The following PDLIM5 variants were observed in gnomAD, a reference collection of about 807,000 sequenced individuals.
PDLIM5 encodes the protein PDZ and LIM domain protein 5.
In PDLIM5, 34 loss-of-function variants were observed where a neutral mutation model predicts 64.2. The observed-to-expected ratio is 0.53, with a 90% CI of 0.40 to 0.71. PDLIM5 has a LOEUF of 0.71. Among genes scored for constraint, PDLIM5 ranks in the 30% least tolerant of loss-of-function variants. The pLI, the probability that PDLIM5 is intolerant of heterozygous loss-of-function variation, is 0.00. For missense variants in PDLIM5, 683 were observed against 733.6 expected, an observed-to-expected ratio of 0.93 and a Z score of 0.80; for synonymous variants, 253 against 269.1, an observed-to-expected ratio of 0.94 and a Z score of 0.59.
chr4:94,518,388 A>T (rs1729548304), intron 2 of PDLIM5, among the ~76,000 whole-genome samples: 1 of 152,170 alleles, frequency 6.6e-6, no homozygotes, highest in South Asian at 2.1e-4. Context: ...TGCACATTTG[A>T]GTTCCTTGTC....
At chr4:94,654,266 C>T (rs540994840) in intron 9 of PDLIM5, among the ~76,000 whole-genome samples, 194 bp from the exon 10 acceptor site, 1 of 152,264 alleles carries the variant, frequency 6.6e-6, no homozygotes, top group African/African-American at 2.4e-5. Context: ...AAGTGCACGT[C>T]TCCCGTTTTC....
chr4:94,468,532 G>T (rs1333530445), intron 2 of PDLIM5, among the ~76,000 whole-genome samples: 2 of 152,122 alleles, frequency 1.3e-5, no homozygotes, highest in African/African-American at 4.8e-5. Context: ...TCTGTGCTCT[G>T]TCCATGTGCA....
chr4:94,586,251 AACTAT>A (rs1736186268), intron 6 of PDLIM5, among the ~76,000 whole-genome samples, 152 bp from the exon 7 acceptor site: 1 of 152,212 alleles, frequency 6.6e-6, no homozygotes, highest in Non-Finnish European at 1.5e-5. Flanking sequence ...TAGTTGTACT[AACTAT>A]AGTTTATGGC....
At chr4:94,651,115 A>G (rs757202292) in intron 9 of PDLIM5, among the ~76,000 whole-genome samples, 3 of 152,230 alleles carry the variant, frequency 2.0e-5, no homozygotes, top group Non-Finnish European at 2.9e-5. Flanking sequence ...AATTTGTTAA[A>G]TTAGTCTTTG....
chr4:94,588,265 G>C, intron 7 of PDLIM5: 1 of 780,316 alleles, frequency 1.3e-6, no homozygotes, highest in Non-Finnish European at 1.6e-6. Flanking sequence ...ACTAAAATAT[G>C]GGTATAAAAC....
chr4:94,616,975 T>G (rs553050106), intron 7 of PDLIM5, among the ~76,000 whole-genome samples: 1 of 152,326 alleles, frequency 6.6e-6, no homozygotes, highest in Admixed American at 6.5e-5. Flanking sequence ...AAAAGGTGCA[T>G]GGGACCAAGT....
intron 8 of PDLIM5, among the ~76,000 whole-genome samples, chr4:94,631,000 T>G (rs892105427): frequency 6.6e-6 from 1 of 151,980 alleles, no homozygotes; most frequent in African/African-American, 2.4e-5. Flanking sequence ...CTTGAGCTCC[T>G]GGACTCAAGT....
At chr4:94,565,669 A>G (rs1734257733) in intron 3 of PDLIM5, among the ~76,000 whole-genome samples, 1 of 152,194 alleles carries the variant, frequency 6.6e-6, no homozygotes, top group East Asian at 1.9e-4. Flanking sequence ...CTCCAACCCC[A>G]TCCTGCTGAA....
chr4:94,658,095 C>A (rs1283003618), intron 11 of PDLIM5, among the ~76,000 whole-genome samples: 1 of 152,138 alleles, frequency 6.6e-6, no homozygotes, highest in African/African-American at 2.4e-5. Flanking sequence ...AAATATTTTG[C>A]TTGAATTCCC....
chr4:94,567,138 G>T (rs540976055), intron 3 of PDLIM5, among the ~76,000 whole-genome samples: 30 of 152,080 alleles, frequency 2.0e-4, no homozygotes, highest in Non-Finnish European at 4.0e-4. Context: ...GACTACAGGC[G>T]CCCGCCACCA....
intron 2 of PDLIM5, among the ~76,000 whole-genome samples, chr4:94,476,403 A>G (rs1266222126): frequency 6.6e-6 from 1 of 152,114 alleles, no homozygotes; most frequent in African/African-American, 2.4e-5. Flanking sequence ...GAAAATATAA[A>G]TTTACATTTT....
Position 94,573,544 on chromosome 4 carries a change from A to G in PDLIM5, c.291+151A>G, listed in dbSNP as rs1019109773. ...TAGTTCTTTTCCTTCAGAGATGAGT[A>G]GGGAAATGGAGATCAGCACATACCA... On this transcript the variant is annotated intron_variant, in intron 4 of 12. Transcript: ENST00000317968. The G allele has an allele frequency of 5.2e-6, 4 of 765,154 alleles. No individual in the cohort carries two copies. The East Asian group carries it at 7.4e-5, about 14-fold the overall frequency. The allele number at this position is 765,154 out of a possible 1,614,324, so 47.4% of individuals were successfully genotyped here.
intron 3 of PDLIM5, among the ~76,000 whole-genome samples, chr4:94,536,859 A>G (rs1731363658): frequency 1.3e-5 from 2 of 152,212 alleles, no homozygotes; most frequent in African/African-American, 4.8e-5. Context: ...TTGCTATTAT[A>G]GTCTCAAAGA....
At chr4:94,472,800 C>T (rs1302162849) in intron 2 of PDLIM5, among the ~76,000 whole-genome samples, 3 of 152,174 alleles carry the variant, frequency 2.0e-5, no homozygotes, top group African/African-American at 7.2e-5. Context: ...GAACTTCAGT[C>T]ATATAAATGT....
Position 94,575,595 on chromosome 4 carries a change from GT to G in PDLIM5, c.292-18del. The G allele has an allele frequency of 6.7e-7, 1 of 1,490,246 alleles. No individual in the cohort carries two copies. 92.3% of individuals were successfully genotyped at this position (1,490,246 alleles called of 1,614,324 possible). On this transcript the variant is annotated intron_variant, in intron 4 of 12. Coordinates refer to ENST00000317968, the MANE Select transcript of PDLIM5 (RefSeq NM_006457.5). ...ATGTGTTTGGTGTGGTTTTGTGTAT[GT>G]TTATTTTTGTTTTACATAGGGAGAA... is the stretch of plus-strand genomic sequence containing the variant.
At chr4:94,625,546 A>G (rs111574334) in intron 8 of PDLIM5, among the ~76,000 whole-genome samples, 189 of 150,610 alleles carry the variant, frequency 1.3e-3, no homozygotes, top group African/African-American at 3.4e-3. Flanking sequence ...TCCACCTCCC[A>G]GGTTCACGCC....
chr4:94,634,093 C>CT (rs919901137), intron 8 of PDLIM5, among the ~76,000 whole-genome samples: 1 of 152,124 alleles, frequency 6.6e-6, no homozygotes, highest in Non-Finnish European at 1.5e-5. Context: ...GTCAGATGCT[C>CT]TAAGACCTTT....
At chr4:94,533,770 T>C (rs1252935365) in intron 3 of PDLIM5, among the ~76,000 whole-genome samples, 1 of 152,226 alleles carries the variant, frequency 6.6e-6, no homozygotes, top group Non-Finnish European at 1.5e-5. Context: ...GTATCCATTG[T>C]AAAGTACTTC....
chr4:94,578,971 C>T (rs904708197), intron 5 of PDLIM5, among the ~76,000 whole-genome samples: 5 of 151,896 alleles, frequency 3.3e-5, no homozygotes, highest in East Asian at 1.9e-4. Flanking sequence ...AGCTATTCCA[C>T]GCAAATTTAT....
Sources: allele counts gnomAD v4.1 joint callset (sites outside exome capture counted in the v4.1 genomes callset), GRCh38; gene constraint gnomAD v4.1.1; transcripts MANE v1.5; gene names NCBI Gene and HGNC (gene_info 2026-07-23, HGNC 2026-07-21).